GRK5: variants seen among roughly 807,000 people sequenced by gnomAD.
GRK5 encodes G protein-coupled receptor kinase 5, also known as g protein-coupled receptor kinase GRK5.
Under a neutral mutation model 78.4 loss-of-function variants are expected in GRK5, and 40 were observed. The ratio of observed to expected loss-of-function variants is 0.51; its 90% CI spans 0.40 to 0.66. The LOEUF (loss-of-function observed/expected upper bound fraction) is 0.66, where lower values mean the gene tolerates loss of function less well. Ranked by LOEUF, GRK5 falls within the 30% of genes least tolerant of loss-of-function variation. GRK5 has a pLI of 0.00. For synonymous variants in GRK5, 289 were observed against 296.8 expected, an observed-to-expected ratio of 0.97 and a Z score of 0.27; for missense variants, 598 against 759.9, an observed-to-expected ratio of 0.79 and a Z score of 2.50.
chr10:119,383,208 A>G (rs1012719955), intron 3 of GRK5, among the ~76,000 whole-genome samples: 4 of 152,204 alleles, frequency 2.6e-5, no homozygotes, highest in African/African-American at 9.7e-5. Context: ...GGCGTGAGCC[A>G]CCGCGCCTGG....
chr10:119,436,010 GACATATTCACT>G (rs1248675753), intron 8 of GRK5, among the ~76,000 whole-genome samples: 1 of 152,210 alleles, frequency 6.6e-6, no homozygotes, highest in African/African-American at 2.4e-5. Context: ...AGGTCTGTGA[GACATATTCACT>G]ACCACAAGAG....
intron 2 of GRK5, among the ~76,000 whole-genome samples, chr10:119,346,879 G>T (rs1851104229): frequency 2.0e-5 from 3 of 152,222 alleles, no homozygotes; most frequent in Admixed American, 6.5e-5. Flanking sequence ...AGCTGGACAG[G>T]CCTCCTCTCG....
intron 1 of GRK5, among the ~76,000 whole-genome samples, chr10:119,308,586 G>A (rs57964189): frequency 0.015 from 2,285 of 152,346 alleles, 53 homozygotes; most frequent in African/African-American, 0.053. Flanking sequence ...GTTAGGAGGC[G>A]TGTGTTTTTC....
At chr10:119,393,263 G>A (rs555222583) in intron 3 of GRK5, among the ~76,000 whole-genome samples, 3 of 152,378 alleles carry the variant, frequency 2.0e-5, no homozygotes, top group South Asian at 2.1e-4. Context: ...TTTTGATCCC[G>A]GCAGGGGAGG....
chr10:119,300,943 C>A (rs1191390006), intron 1 of GRK5, among the ~76,000 whole-genome samples: 1 of 151,416 alleles, frequency 6.6e-6, no homozygotes, highest in Non-Finnish European at 1.5e-5. Flanking sequence ...GCAAAAAAAA[C>A]AAAAAACAAA....
intron 1 of GRK5, among the ~76,000 whole-genome samples, chr10:119,306,036 C>T (rs962011264): frequency 5.3e-5 from 8 of 152,112 alleles, no homozygotes; most frequent in Admixed American, 3.9e-4. Flanking sequence ...TGGAAGGCCT[C>T]CCTGGGAGTC....
chr10:119,344,577 AT>A (rs1414706940), intron 2 of GRK5, among the ~76,000 whole-genome samples: 1 of 151,788 alleles, frequency 6.6e-6, no homozygotes, highest in African/African-American at 2.4e-5. Flanking sequence ...CTTTTTGGGG[AT>A]GGTTTCTCGC....
chr10:119,384,948 A>G lies in GRK5; in HGVS notation c.261+4021A>G, dbSNP rs149675995. Among the ~76,000 whole-genome samples, 444 of 152,318 alleles carry G rather than the reference A, an allele frequency of 2.9e-3. 1 individual carries two copies. Among genetic ancestry groups the G allele is most frequent in the Non-Finnish European group, 4.7e-3 (323 of 68,030 alleles). On this transcript the variant is annotated intron_variant, in intron 3 of 15. Coordinates refer to ENST00000392870, the MANE Select transcript of GRK5 (RefSeq NM_005308.3). ...GTTTGGATATGGGGAGGCTGGTTGT[A>G]TCATGAAGTAGGATGGTCAGCATTG... is the stretch of plus-strand genomic sequence containing the variant.
At chr10:119,246,019 CAA>C (rs941734040) in intron 1 of GRK5, among the ~76,000 whole-genome samples, 5 of 14,032 alleles carry the variant, frequency 3.6e-4, no homozygotes, top group African/African-American at 6.2e-4. Flanking sequence ...GACTCCATCT[CAA>C]AAAAAAAAAA....
chr10:119,442,169 G>A (rs975990620), intron 11 of GRK5, 81 bp downstream of exon 11: 27 of 1,106,118 alleles, frequency 2.4e-5, no homozygotes, highest in Middle Eastern at 2.1e-4. Flanking sequence ...GAGCCTGCCC[G>A]CAGAGCCTCT....
At chr10:119,358,760 A>G (rs1851307983) in intron 2 of GRK5, among the ~76,000 whole-genome samples, 2 of 152,142 alleles carry the variant, frequency 1.3e-5, no homozygotes, top group Admixed American at 6.5e-5. Context: ...ACAAAATACC[A>G]CAGAGTGGGC....
rs550388526 is a variant in GRK5 at position 119,288,858 on chromosome 10, T to C, written c.53-37658T>C. Among the ~76,000 whole-genome samples, 22 of 152,288 alleles carry C rather than the reference T, an allele frequency of 1.4e-4. No individual in the cohort carries two copies. In the East Asian group the frequency reaches 4.3e-3, roughly 29 times the overall value. On this transcript the variant is annotated intron_variant, in intron 1 of 15. Coordinates refer to ENST00000392870, the MANE Select transcript of GRK5 (RefSeq NM_005308.3). ...ATCCAGAGGCGAATGCGGAACATGG[T>C]GTCTGAGCTACTAACCTCCCACCTT... is the stretch of plus-strand genomic sequence containing the variant.
At chr10:119,426,275 G>T (rs1313243396) in intron 6 of GRK5, among the ~76,000 whole-genome samples, 1 of 152,260 alleles carries the variant, frequency 6.6e-6, no homozygotes, top group African/African-American at 2.4e-5. Context: ...TGGATGGGTG[G>T]TTTCTCTCCA....
At chr10:119,398,350 G>A (rs1034328997) in intron 4 of GRK5, among the ~76,000 whole-genome samples, 42 of 152,196 alleles carry the variant, frequency 2.8e-4, no homozygotes, top group African/African-American at 8.9e-4. Flanking sequence ...CAGCTCCCTG[G>A]CTGGGCTCCT....
At chr10:119,343,417 C>T (rs1157936878) in intron 2 of GRK5, among the ~76,000 whole-genome samples, 1 of 152,214 alleles carries the variant, frequency 6.6e-6, no homozygotes, top group African/African-American at 2.4e-5. Flanking sequence ...CCCTGTGGGG[C>T]AGGTGCTGCC....
At chr10:119,226,227 C>T (rs950610630) in intron 1 of GRK5, among the ~76,000 whole-genome samples, 2 of 151,326 alleles carry the variant, frequency 1.3e-5, no homozygotes, top group African/African-American at 4.9e-5. Flanking sequence ...ATCTGCCCGT[C>T]TCGGCTCCCC....
intron 2 of GRK5, among the ~76,000 whole-genome samples, chr10:119,338,916 C>CA (rs1850937996): frequency 6.6e-6 from 1 of 152,208 alleles, no homozygotes. Flanking sequence ...TTTGCCATTA[C>CA]AATTAATGTT....
intron 1 of GRK5, among the ~76,000 whole-genome samples, chr10:119,249,286 G>GAAA (rs1483814931): frequency 4.6e-5 from 7 of 150,586 alleles, no homozygotes; most frequent in Non-Finnish European, 1.0e-4. Flanking sequence ...AACAAAAAAC[G>GAAA]AAAAACAAAA....
At position 119,452,177 on chromosome 10, in the gene GRK5, G is replaced by A. The variant is rs11198931; in HGVS notation, c.1405-494G>A. ...GGCCAGCACTGACAGCAGCCCCATC[G>A]CCCAGGTGCCTCGTTGTCCCCATTT... On this transcript the variant is annotated intron_variant, in intron 13 of 15. Coordinates refer to ENST00000392870, the MANE Select transcript of GRK5 (RefSeq NM_005308.3). This position sits in a 1 kb window ranked among gnomAD's most constrained non-coding sequence, Gnocchi z 4.4. Among the ~76,000 whole-genome samples the A allele has an allele frequency of 0.17, 25,213 of 152,192 alleles. 2,461 individuals carry two copies. Among genetic ancestry groups the A allele is most frequent in the East Asian group, 0.31 (1,607 of 5,176 alleles).
Sources: gnomAD v4.1 joint callset for allele counts (sites outside exome capture counted in the v4.1 genomes callset) on GRCh38, gnomAD v4.1.1 for gene constraint, Gnocchi (gnomAD v3.1) non-coding constraint, MANE v1.5 for transcripts, NCBI Gene and HGNC (gene_info 2026-07-23, HGNC 2026-07-21) for gene names.